The following MN1 variants were observed in gnomAD, a reference collection of about 807,000 sequenced individuals.
MN1 encodes the protein MN1 proto-oncogene, transcriptional regulator.
In MN1, 19 loss-of-function variants were observed where a neutral mutation model predicts 86.9. The ratio of observed to expected loss-of-function variants is 0.22; its 90% CI spans 0.15 to 0.32. MN1 has a LOEUF of 0.32. Ranked by LOEUF, MN1 falls within the 10% of genes least tolerant of loss-of-function variation. The pLI is 1.00. For missense variants in MN1, 1,841 were observed against 1,862.0 expected (o/e 0.99, Z 0.21); for synonymous variants, 928 against 849.6 (o/e 1.09, Z -1.60).
chr22:27,778,250 A>T (rs1193916338), intron 1 of MN1, among the ~76,000 whole-genome samples: 1 of 152,186 alleles, frequency 6.6e-6, no homozygotes, highest in Non-Finnish European at 1.5e-5. Flanking sequence ...GAAAATGCAC[A>T]ATTTTTGTCT....
At chr22:27,796,664 C>T in intron 1 of MN1, 99 bp downstream of exon 1, 7 of 1,288,396 alleles carry the variant, frequency 5.4e-6, no homozygotes, top group Non-Finnish European at 7.4e-6. Context: ...GGTTTGTGCC[C>T]TCCAAACCTC....
intron 1 of MN1, among the ~76,000 whole-genome samples, chr22:27,766,398 G>A (rs1183147118): frequency 2.0e-5 from 3 of 152,166 alleles, no homozygotes; most frequent in Admixed American, 6.5e-5. Flanking sequence ...GTGGTGTGTG[G>A]TCTTTAAGGG....
intron 1 of MN1, among the ~76,000 whole-genome samples, chr22:27,756,532 C>T (rs570803913): frequency 1.6e-4 from 25 of 152,234 alleles, no homozygotes; most frequent in African/African-American, 4.1e-4. Flanking sequence ...CAGGGGTATT[C>T]GGGAAGAAGG....
intron 1 of MN1, among the ~76,000 whole-genome samples, chr22:27,777,831 A>G (rs1419333142): frequency 6.6e-6 from 1 of 151,330 alleles, no homozygotes; most frequent in Non-Finnish European, 1.5e-5. Context: ...AGCCGAGATC[A>G]CGCCACTGCA....
At chr22:27,769,847 C>A (rs1267803666) in intron 1 of MN1, among the ~76,000 whole-genome samples, 1 of 142,016 alleles carries the variant, frequency 7.0e-6, no homozygotes, top group Admixed American at 7.0e-5. Flanking sequence ...AGCAACTGTG[C>A]CCGGCAAGGA....
At chr22:27,776,193 C>T (rs956982234) in intron 1 of MN1, among the ~76,000 whole-genome samples, 3 of 152,168 alleles carry the variant, frequency 2.0e-5, no homozygotes, top group South Asian at 2.1e-4. Flanking sequence ...GCCTCTCTCC[C>T]GGCTCTTCCT....
At chr22:27,786,520 A>C (rs1204910794) in intron 1 of MN1, among the ~76,000 whole-genome samples, 1 of 151,694 alleles carries the variant, frequency 6.6e-6, no homozygotes, top group African/African-American at 2.4e-5. Flanking sequence ...AAAGAGGTTG[A>C]AGATTCCCAA....
Position 27,798,415 on chromosome 22 carries a change from C to T in MN1, c.2129G>A (p.Gly710Asp), listed in dbSNP as rs1933349737. The change falls in exon 1 of 2, where the codon GGT becomes GAT. Residue 710 changes from glycine to aspartate, a missense_variant. Coordinates refer to ENST00000302326, the MANE Select transcript of MN1 (RefSeq NM_002430.3). ...LQFGGSLGGL[G>D]QLQSPGAGVG... ...GCCCGCCCCGGGCGACTGCAGCTGA[C>T]CCAGGCCTCCCAGACTGCCCCCGAA... The T allele has an allele frequency of 6.5e-7, 1 of 1,537,314 alleles. No individual in the cohort carries two copies. The highest frequency in any genetic ancestry group is 8.7e-7 in the Non-Finnish European group (1 of 1,150,904).
chr22:27,799,808 T>C lies in MN1; in HGVS notation c.736A>G (p.Met246Val), dbSNP rs1365854327. Residue 246 changes from methionine (M) to valine (V), a missense_variant, in exon 1 of 2, where the codon ATG (methionine) becomes GTG (valine). Coordinates refer to ENST00000302326, the MANE Select transcript of MN1 (RefSeq NM_002430.3). ...CCTTCGGAGTCAGAGGGCGAAAACA[T>C]GTCAAAATGTCCCGAGGGCGCCTCG... Reference protein sequence around the residue: ...PGEAPSGHFDMFSPSDSEGQL... With the variant: ...PGEAPSGHFDVFSPSDSEGQL... 5 of 1,596,238 alleles carry C rather than the reference T, an allele frequency of 3.1e-6. No individual in the cohort carries two copies. Among genetic ancestry groups the C allele is most frequent in the Non-Finnish European group, 3.4e-6 (4 of 1,170,004 alleles).
At chr22:27,761,553 C>G (rs1932835312) in intron 1 of MN1, among the ~76,000 whole-genome samples, 1 of 152,158 alleles carries the variant, frequency 6.6e-6, no homozygotes, top group Admixed American at 6.5e-5. Flanking sequence ...ACTGATGTTA[C>G]CAAAGTTTCA....
chr22:27,764,381 T>C (rs916401172), intron 1 of MN1, among the ~76,000 whole-genome samples: 1 of 152,158 alleles, frequency 6.6e-6, no homozygotes, highest in Non-Finnish European at 1.5e-5. Flanking sequence ...CAAGGCAGCT[T>C]CTAAGTCAGA....
At chr22:27,754,221 G>T (rs144883754) in intron 1 of MN1, among the ~76,000 whole-genome samples, 3 of 152,320 alleles carry the variant, frequency 2.0e-5, no homozygotes, top group African/African-American at 2.4e-5. Flanking sequence ...CCAAATTTTC[G>T]AAAGACGCTT....
At chr22:27,781,057 G>C (rs1288376447) in intron 1 of MN1, among the ~76,000 whole-genome samples, 1 of 152,048 alleles carries the variant, frequency 6.6e-6, no homozygotes, top group African/African-American at 2.4e-5. Flanking sequence ...CAGCCTCCCA[G>C]GTAGCTGGGA....
At chr22:27,796,206 T>C (rs1483437133) in intron 1 of MN1, among the ~76,000 whole-genome samples, 5 of 152,200 alleles carry the variant, frequency 3.3e-5, no homozygotes, top group Non-Finnish European at 7.3e-5. Context: ...AAATGTCAAA[T>C]TAGGCGTTGC....
chr22:27,788,736 C>A (rs1339044171), intron 1 of MN1, among the ~76,000 whole-genome samples: 3 of 151,732 alleles, frequency 2.0e-5, no homozygotes, highest in South Asian at 2.1e-4. Context: ...TGTGCGCATG[C>A]GTGGAGGGGT....
Position 27,799,890 on chromosome 22 carries a change from C to T in MN1, c.654G>A (p.Glu218=). 3 of 1,603,080 alleles carry T rather than the reference C, an allele frequency of 1.9e-6. No individual in the cohort carries two copies. The highest frequency in any genetic ancestry group is 1.1e-5 in the South Asian group (1 of 90,020). Residue 218 remains glutamate (E), a synonymous_variant, in exon 1 of 2, where the codon GAG becomes GAA. Transcript: ENST00000302326. ...CTCCTTGGTTCGTCACCCTCCGTGG[C>T]TCCAGACTGTGGGAATCGGAGCCGC... is the stretch of plus-strand genomic sequence containing the variant. ...SSSGSDSHSL[E]PRRVTNQGAV...
intron 1 of MN1, among the ~76,000 whole-genome samples, chr22:27,783,139 T>TTC (rs1182267178): frequency 2.8e-4 from 43 of 151,830 alleles, no homozygotes; most frequent in African/African-American, 9.4e-4. Flanking sequence ...GCTGCTTTTT[T>TTC]TTTTTTTTTT....
At chr22:27,752,291 TG>T (rs1932772646) in intron 1 of MN1, among the ~76,000 whole-genome samples, 1 of 152,190 alleles carries the variant, frequency 6.6e-6, no homozygotes, top group African/African-American at 2.4e-5. Flanking sequence ...TGTAAAGTGT[TG>T]TCCTCACAAG....
chr22:27,794,935 G>A (rs1601342069), intron 1 of MN1, among the ~76,000 whole-genome samples: 1 of 151,892 alleles, frequency 6.6e-6, no homozygotes, highest in East Asian at 1.9e-4. Flanking sequence ...GGCCAGGCCA[G>A]GTAGAAGTGA....
Sources: gnomAD v4.1 joint callset for allele counts (sites outside exome capture counted in the v4.1 genomes callset) on GRCh38, gnomAD v4.1.1 for gene constraint, MANE v1.5 for transcripts, NCBI Gene and HGNC (gene_info 2026-07-23, HGNC 2026-07-21) for gene names.